SYNDIG1L: variants seen among roughly 807,000 people sequenced by gnomAD.
SYNDIG1L encodes synapse differentiation inducing 1 like, also known as synapse differentiation-inducing gene protein 1-like.
Under a neutral mutation model 20.1 loss-of-function variants are expected in SYNDIG1L, and 13 were observed. That is an observed-to-expected ratio of 0.65 (90% confidence interval 0.42 to 1.03). The LOEUF (loss-of-function observed/expected upper bound fraction) is 1.03, where lower values mean the gene tolerates loss of function less well. Among genes scored for constraint, SYNDIG1L ranks in the 50% least tolerant of loss-of-function variants. The pLI is 0.00. For missense variants in SYNDIG1L, 294 were observed against 305.1 expected (o/e 0.96, Z 0.27); for synonymous variants, 128 against 129.3 (o/e 0.99, Z 0.07).
intron 1 of SYNDIG1L, among the ~76,000 whole-genome samples, chr14:74,422,492 C>T (rs2086230104): frequency 6.6e-6 from 1 of 152,020 alleles, no homozygotes; most frequent in African/African-American, 2.4e-5. Context: ...TACTTTGGAG[C>T]TGGAAGCCCC....
chr14:74,409,579 C>T lies in SYNDIG1L; in HGVS notation c.166G>A (p.Asp56Asn), dbSNP rs1290436159. 2.4e-5 allele frequency: 36 copies of T among 1,512,692 alleles called. No homozygotes were observed. The highest frequency in any genetic ancestry group is 3.0e-5 in the Non-Finnish European group (34 of 1,131,602). 93.7% of individuals were successfully genotyped at this position (1,512,692 alleles called of 1,614,324 possible). The change falls in exon 2 of 4, where the codon GAC becomes AAC. Residue 56 changes from aspartate (D) to asparagine (N), a missense_variant. Transcript: ENST00000331628. ...AGPAGAHQLLDPGSLQLAVEA... is the reference protein window; with the variant it reads ...AGPAGAHQLLNPGSLQLAVEA... ...ACGGCCAGCTGCAGGGACCCTGGGTCCAGGAGCTGGTGGGCTCCGGCAGGC... is the reference window on the plus strand; with the variant it reads ...ACGGCCAGCTGCAGGGACCCTGGGTTCAGGAGCTGGTGGGCTCCGGCAGGC...
intron 1 of SYNDIG1L, among the ~76,000 whole-genome samples, chr14:74,420,961 A>G (rs986891040): frequency 6.6e-6 from 1 of 152,180 alleles, no homozygotes; most frequent in Non-Finnish European, 1.5e-5. Flanking sequence ...GTTCTAGTCA[A>G]TGCCTTCCTT....
In SYNDIG1L at chr14:74,406,523, C is replaced by T. The variant is rs2240621; in HGVS notation, c.*1012G>A. The stretch of plus-strand genomic sequence containing the variant: ...CTAGGACTTGCTCAAGGGATACCTC[C>T]TCCAGGAAGCCTTCCTAAGCACCGC... On this transcript the variant is annotated 3_prime_UTR_variant, in exon 4 of 4. Coordinates refer to ENST00000331628, the MANE Select transcript of SYNDIG1L (RefSeq NM_001105579.2). 0.63 allele frequency: 96,992 copies of T among 154,286 alleles called. 30,572 individuals carry two copies. Among genetic ancestry groups the T allele is most frequent in the Admixed American group, 0.66 (10,158 of 15,344 alleles). 9.6% of individuals were successfully genotyped at this position (154,286 alleles called of 1,614,324 possible).
intron 1 of SYNDIG1L, among the ~76,000 whole-genome samples, chr14:74,414,715 T>G (rs898722993): frequency 2.6e-5 from 4 of 152,002 alleles, no homozygotes; most frequent in Admixed American, 2.6e-4. Flanking sequence ...ACTTACTGAG[T>G]TTTTGACCAT....
At chr14:74,432,629 G>A in the SYNDIG1L span, among the ~76,000 whole-genome samples, 2 of 152,216 alleles carry the variant, frequency 1.3e-5, no homozygotes, top group Admixed American at 6.5e-5. Flanking sequence ...GCCAAGGCAG[G>A]TGGATTGCTT....
chr14:74,471,596 TCACACACA>T, the SYNDIG1L span, among the ~76,000 whole-genome samples: 3 of 149,712 alleles, frequency 2.0e-5, no homozygotes, highest in African/African-American at 2.5e-5. Context: ...AGACCCTATC[TCACACACA>T]CACACACACA....
At chr14:74,465,544 C>T in the SYNDIG1L span, among the ~76,000 whole-genome samples, 4 of 152,192 alleles carry the variant, frequency 2.6e-5, no homozygotes, top group Admixed American at 2.6e-4. Context: ...AGTTGGCACA[C>T]ACCAGGGAGC....
At chr14:74,469,048 C>A in the SYNDIG1L span, among the ~76,000 whole-genome samples, 1 of 152,108 alleles carries the variant, frequency 6.6e-6, no homozygotes, top group Non-Finnish European at 1.5e-5. Flanking sequence ...AGGGGCCATA[C>A]ACACTGGCTC....
chr14:74,431,767 C>G, the SYNDIG1L span, among the ~76,000 whole-genome samples: 2 of 152,194 alleles, frequency 1.3e-5, no homozygotes, highest in Non-Finnish European at 2.9e-5. Context: ...CAGAGAATCT[C>G]TGGACATGCC....
the SYNDIG1L span, among the ~76,000 whole-genome samples, chr14:74,467,648 A>AT: frequency 6.6e-6 from 1 of 152,092 alleles, no homozygotes; most frequent in African/African-American, 2.4e-5. Context: ...TCAGCCAAAT[A>AT]TTTTTTCCAA....
intron 1 of SYNDIG1L, 56 bp from the exon 2 acceptor site, chr14:74,409,857 T>C (rs1237472173): frequency 1.3e-5 from 16 of 1,274,118 alleles, no homozygotes; most frequent in South Asian, 3.3e-5. Context: ...AGGCAGGACC[T>C]AAAGTGGTGA....
chr14:74,411,913 G>A (rs2086133846), intron 1 of SYNDIG1L, among the ~76,000 whole-genome samples: 6 of 152,210 alleles, frequency 3.9e-5, no homozygotes, highest in Admixed American at 3.3e-4. Context: ...CCCCAGGGAG[G>A]GCACAGATGG....
At chr14:74,464,185 G>T in the SYNDIG1L span, among the ~76,000 whole-genome samples, 1 of 152,124 alleles carries the variant, frequency 6.6e-6, no homozygotes, top group Non-Finnish European at 1.5e-5. Context: ...GAGTGAAAAA[G>T]GGTGTAGGTT....
upstream of SYNDIG1L, among the ~76,000 whole-genome samples, chr14:74,427,947 G>A (rs1277926117): frequency 6.6e-6 from 1 of 152,234 alleles, no homozygotes; most frequent in East Asian, 1.9e-4. Flanking sequence ...TGCCTGGGCT[G>A]CATACTGAAA....
At chr14:74,469,376 G>C in the SYNDIG1L span, among the ~76,000 whole-genome samples, 1 of 121,376 alleles carries the variant, frequency 8.2e-6, no homozygotes, top group South Asian at 3.6e-4. Context: ...GTCGTGGGGC[G>C]GGGGGAGGGG....
the SYNDIG1L span, among the ~76,000 whole-genome samples, chr14:74,443,365 T>C: frequency 1.3e-5 from 2 of 152,184 alleles, no homozygotes; most frequent in East Asian, 3.9e-4. Flanking sequence ...TCAGTGCGTT[T>C]AACAACACAG....
At chr14:74,407,761 G>A (rs2086094862) in intron 3 of SYNDIG1L, 68 bp from the exon 4 acceptor site, 45 of 1,572,252 alleles carry the variant, frequency 2.9e-5, no homozygotes, top group Non-Finnish European at 3.8e-5. Context: ...AGCCTGCCAG[G>A]CCCCTGACCC....
chr14:74,475,380 T>G, the SYNDIG1L span, among the ~76,000 whole-genome samples: 2 of 144,564 alleles, frequency 1.4e-5, no homozygotes, highest in East Asian at 4.0e-4. Context: ...CCTAAGAGGT[T>G]AAGGAACTCA....
the SYNDIG1L span, among the ~76,000 whole-genome samples, chr14:74,458,026 C>T: frequency 2.4e-3 from 359 of 152,162 alleles, 2 homozygotes; most frequent in Non-Finnish European, 4.3e-3. Flanking sequence ...TCTCGAACTC[C>T]TGGGCTCAAG....
Sources: allele counts gnomAD v4.1 joint callset (sites outside exome capture counted in the v4.1 genomes callset), GRCh38; gene constraint gnomAD v4.1.1; transcripts MANE v1.5; gene names NCBI Gene and HGNC (gene_info 2026-07-23, HGNC 2026-07-21).